The following CHD4 variants were observed in gnomAD, a reference collection of about 807,000 sequenced individuals.
CHD4 encodes the protein chromodomain helicase DNA binding protein 4.
In CHD4, 35 loss-of-function variants were observed where a neutral mutation model predicts 235.5. The ratio of observed to expected loss-of-function variants is 0.15; its 90% confidence interval spans 0.11 to 0.20. The LOEUF is 0.20. CHD4 is among the 10% of genes least tolerant of loss of function. The probability of loss-of-function intolerance (pLI) is 1.00; values close to 1 mark genes in which losing one functional copy is unlikely to be tolerated. For synonymous variants in CHD4, 900 were observed against 850.2 expected (o/e 1.06, Z -1.02); for missense variants, 1,329 against 2,432.3 (o/e 0.55, Z 9.54).
At position 6,582,206 on chromosome 12, in the gene CHD4, G is replaced by A. The variant is rs906074867; in HGVS notation, c.4446C>T (p.Val1482=). 10 of 1,602,732 alleles carry A rather than the reference G, an allele frequency of 6.2e-6. No individual in the cohort carries two copies. In the African/African-American group the frequency reaches 1.1e-4, roughly 17 times the overall value. Reference sequence around the variant, plus strand: ...GCTGGCGAGACAGGCCTTCTCGGGGGACACCATCAGCAAAGGTCTCAGCCC... The same window carrying A: ...GCTGGCGAGACAGGCCTTCTCGGGGAACACCATCAGCAAAGGTCTCAGCCC... The part of the protein sequence containing the change: ...ADGAETFADG[V]PREGLSRQHV... The change falls in exon 30 of 40, where the codon GTC becomes GTT. Residue 1482 remains valine, a synonymous_variant. Coordinates refer to ENST00000544040, the MANE Select transcript of CHD4 (RefSeq NM_001273.5).
chr12:6,583,999 A>G (rs1948239053), intron 25 of CHD4: 1 of 152,186 alleles, frequency 6.6e-6, no homozygotes, highest in Non-Finnish European at 1.5e-5. Flanking sequence ...AACAACCTAA[A>G]AGCCCATCAT....
rs781255920 is a variant in CHD4, at chr12:6,602,060, C to A, written c.338G>T (p.Gly113Val). 1 of 1,613,200 alleles carries A rather than the reference C, an allele frequency of 6.2e-7. No homozygotes were observed. The highest frequency in any genetic ancestry group is 1.3e-5 in the African/African-American group (1 of 74,764). The change falls in exon 4 of 40, where the codon GGC becomes GTC. Residue 113 changes from glycine to valine, a missense_variant. Transcript: ENST00000544040. ...TCCAAGCTTCTTCTTCTTCTTCTTGCCAGGAGTATAGTCGCTGCCCTCACT... is the reference window on the plus strand; with the variant it reads ...TCCAAGCTTCTTCTTCTTCTTCTTGACAGGAGTATAGTCGCTGCCCTCACT... The part of the protein sequence containing the change: ...SDSEGSDYTP[G>V]KKKKKKLGPK...
intron 13 of CHD4, 27 bp from the exon 14 acceptor site, chr12:6,595,457 G>A (rs750126199): frequency 2.5e-6 from 4 of 1,595,314 alleles, no homozygotes; most frequent in East Asian, 2.2e-5. Flanking sequence ...TCACACAGCT[G>A]CCCAAAATCC....
In CHD4 at chr12:6,597,948, T is replaced by A. The variant is rs766869323; in HGVS notation, c.1838A>T (p.Tyr613Phe). The change falls in exon 12 of 40, where the codon TAT (tyrosine) becomes TTT (phenylalanine). Residue 613 changes from tyrosine to phenylalanine, a missense_variant. By Grantham distance (22) the Tyr-to-Phe change is conservative (BLOSUM62 3). This residue lies in a region of CHD4 where 121 missense variants were observed against 177.8 expected (regional missense o/e 0.68). Coordinates refer to ENST00000544040, the MANE Select transcript of CHD4 (RefSeq NM_001273.5). ...CCACTCGGGTTTTATCCCATAGCGA[T>A]AGAAGCGTTCCTCCATCTCTGCAAA... is the stretch of plus-strand genomic sequence containing the variant. ...PKFAEMEERF[Y>F]RYGIKPEWMM... 3.1e-6 allele frequency: 5 copies of A among 1,614,088 alleles called. No individual in the cohort carries two copies. The highest frequency in any genetic ancestry group is 4.2e-6 in the Non-Finnish European group (5 of 1,180,042).
At chr12:6,603,131 C>CCTCTT (rs1221726167) in intron 2 of CHD4, 3 of 152,648 alleles carry the variant, frequency 2.0e-5, no homozygotes, top group Admixed American at 2.0e-4. Context: ...GGGTCAGCAG[C>CCTCTT]CTCTTCTCCC....
rs756034955 is a variant in CHD4 at position 6,600,688 on chromosome 12, A to G, written c.928-19T>C. 20 of 1,613,680 alleles carry G rather than the reference A, an allele frequency of 1.2e-5. No individual in the cohort carries two copies. Among genetic ancestry groups the G allele is most frequent in the Non-Finnish European group, 1.7e-5 (20 of 1,179,892 alleles). On this transcript the variant is annotated intron_variant, in intron 7 of 39. Coordinates refer to ENST00000544040, the MANE Select transcript of CHD4 (RefSeq NM_001273.5). The stretch of plus-strand genomic sequence containing the variant: ...CCTCACTCTGGCAGGATGAAAAAGA[A>G]TAAGGTTAGACGTTCAAGCCAAGGG...
rs1436798534 is a variant in CHD4 at position 6,601,837 on chromosome 12, A to G, written c.439-71T>C. The G allele has an allele frequency of 2.6e-6, 4 of 1,565,422 alleles. No individual in the cohort carries two copies. In the Admixed American group the frequency reaches 6.7e-5, roughly 26 times the overall value. ...ACACTTGCTAAGCAAATTTGTGTGGAAAAATCAGAGTAACAGAGTTAAGAG... is the reference window on the plus strand; with the variant it reads ...ACACTTGCTAAGCAAATTTGTGTGGGAAAATCAGAGTAACAGAGTTAAGAG... On this transcript the variant is annotated intron_variant, in intron 4 of 39. Coordinates refer to ENST00000544040, the MANE Select transcript of CHD4 (RefSeq NM_001273.5).
At position 6,598,029 on chromosome 12, in the gene CHD4, C is replaced by T; in HGVS notation, c.1757G>A (p.Gly586Glu). ...RKNDMDEPPS[G>E]DFGGDEEKSR... ...TTTCTCTTCATCACCACCAAAGTCCCCAGAAGGTGGCTCATCCATATCATT... is the reference window on the plus strand; with the variant it reads ...TTTCTCTTCATCACCACCAAAGTCCTCAGAAGGTGGCTCATCCATATCATT... The change falls in exon 12 of 40, where the codon GGG becomes GAG. Residue 586 changes from glycine to glutamate, a missense_variant. Physicochemically the swap from Gly to Glu is moderately conservative, Grantham distance 98 (BLOSUM62 -2). This residue lies in a region of CHD4 where 121 missense variants were observed against 177.8 expected (regional missense o/e 0.68). Coordinates refer to ENST00000544040, the MANE Select transcript of CHD4 (RefSeq NM_001273.5). 1 of 1,614,172 alleles carries T rather than the reference C, an allele frequency of 6.2e-7. No homozygotes were observed. The highest frequency in any genetic ancestry group is 8.5e-7 in the Non-Finnish European group (1 of 1,180,034).
intron 2 of CHD4, among the ~76,000 whole-genome samples, chr12:6,605,309 A>T (rs1007869944): frequency 6.6e-6 from 1 of 152,210 alleles, no homozygotes; most frequent in Non-Finnish European, 1.5e-5. Flanking sequence ...ACTAGAAAAC[A>T]TGAAGGTCAA....
At chr12:6,594,421 C>T in intron 15 of CHD4, 38 bp downstream of exon 15, 2 of 1,557,622 alleles carry the variant, frequency 1.3e-6, no homozygotes, top group Non-Finnish European at 1.7e-6. Context: ...AAACACAAAA[C>T]ACCCACACAA....
At chr12:6,576,478 C>G (rs1355729417) in intron 37 of CHD4, among the ~76,000 whole-genome samples, 27 of 152,154 alleles carry the variant, frequency 1.8e-4, no homozygotes, top group Admixed American at 1.8e-3. Flanking sequence ...CCAGAACTGG[C>G]TAATTTTTGT....
chr12:6,573,649 C>T (rs1948018069), intron 37 of CHD4, among the ~76,000 whole-genome samples: 2 of 152,118 alleles, frequency 1.3e-5, no homozygotes, highest in South Asian at 4.1e-4. Flanking sequence ...ATACTATATA[C>T]ATACCCATAT....
chr12:6,587,345 CA>C, intron 25 of CHD4, 38 bp downstream of exon 25: 1 of 1,591,196 alleles, frequency 6.3e-7, no homozygotes, highest in African/African-American at 1.3e-5. Flanking sequence ...ATTTTCAGAC[CA>C]ATTACCAAGC....
chr12:6,584,937 A>T (rs1183404558), intron 25 of CHD4, among the ~76,000 whole-genome samples: 1 of 152,212 alleles, frequency 6.6e-6, no homozygotes, highest in Non-Finnish European at 1.5e-5. Flanking sequence ...ACACAGACCT[A>T]TGTCAGACCA....
intron 13 of CHD4, among the ~76,000 whole-genome samples, 199 bp downstream of exon 13, chr12:6,595,807 A>T (rs1351801953): frequency 6.6e-6 from 1 of 151,372 alleles, no homozygotes; most frequent in African/African-American, 2.4e-5. Context: ...AAAAAAAAAA[A>T]ATCAGCTAGG....
rs745351452 is a variant in CHD4, at chr12:6,602,191, G to T, written c.223-16C>A. The T allele has an allele frequency of 6.2e-7, 1 of 1,613,022 alleles. No individual in the cohort carries two copies. The highest frequency in any genetic ancestry group is 1.1e-5 in the South Asian group (1 of 91,052). On this transcript the variant is annotated splice_polypyrimidine_tract_variant and intron_variant, in intron 3 of 39. Coordinates refer to ENST00000544040, the MANE Select transcript of CHD4 (RefSeq NM_001273.5). ...AGAGCATACGCTGGAGCAGGGCAAG[G>T]GGGGAAGAGGGAGACAGACACACAC... is the stretch of plus-strand genomic sequence containing the variant.
In CHD4 at chr12:6,581,069, C is replaced by T; in HGVS notation, c.4884G>A (p.Glu1628=). The change falls in exon 33 of 40, where the codon GAG becomes GAA. Residue 1628 remains glutamate (E), a synonymous_variant. Transcript: ENST00000544040. Reference sequence around the variant, plus strand: ...CTTTGGGCTCTGTCTCCATAGGTTCCTCTGTTCTCTCCTTCACCTCTGCCT... The same window carrying T: ...CTTTGGGCTCTGTCTCCATAGGTTCTTCTGTTCTCTCCTTCACCTCTGCCT... ...VEKAEVKERT[E]EPMETEPKGA... 6.2e-7 allele frequency: 1 copy of T among 1,614,092 alleles called. No individual in the cohort carries two copies. The highest frequency in any genetic ancestry group is 8.5e-7 in the Non-Finnish European group (1 of 1,180,006).
At position 6,607,359 on chromosome 12, in the gene CHD4, C is replaced by G. The variant is rs910102110; in HGVS notation, c.-138G>C. 1 of 151,962 alleles carries G rather than the reference C, an allele frequency of 6.6e-6. No homozygotes were observed. The highest frequency in any genetic ancestry group is 2.4e-5 in the African/African-American group (1 of 41,326). 9.4% of individuals were successfully genotyped at this position (151,962 alleles called of 1,614,324 possible). Reference sequence around the variant, plus strand: ...CGGTGTCACTCCCGCTCCGGCTCCTCCTCGCCGCGGCCGAAGGGGGGAAAA... The same window carrying G: ...CGGTGTCACTCCCGCTCCGGCTCCTGCTCGCCGCGGCCGAAGGGGGGAAAA... On this transcript the variant is annotated 5_prime_UTR_variant, in exon 1 of 40. Transcript: ENST00000544040.
intron 12 of CHD4, among the ~76,000 whole-genome samples, chr12:6,597,306 TAA>T (rs1948516854): frequency 6.7e-6 from 1 of 149,664 alleles, no homozygotes; most frequent in South Asian, 2.1e-4. Context: ...TAAATAAAGA[TAA>T]TAACATGAAG....
Sources: gnomAD v4.1 joint callset for allele counts (sites outside exome capture counted in the v4.1 genomes callset) on GRCh38, gnomAD v4.1.1 for gene constraint, gnomAD v4.1.1 regional missense constraint, MANE v1.5 for transcripts, NCBI Gene and HGNC (gene_info 2026-07-23, HGNC 2026-07-21) for gene names.